ADARB2: variants seen among roughly 807,000 people sequenced by gnomAD.
ADARB2 encodes adenosine deaminase RNA specific B2 (inactive).
ADARB2 carries 25 observed loss-of-function variants against 62.2 expected under a neutral mutation model. That is an observed-to-expected ratio of 0.40 (90% CI 0.29 to 0.56). The LOEUF (loss-of-function observed/expected upper bound fraction) is 0.56. Ranked by LOEUF, ADARB2 falls within the 20% of genes least tolerant of loss-of-function variation. ADARB2 has a pLI of 0.43. For missense variants in ADARB2, 1,071 were observed against 1,077.4 expected (o/e 0.99, Z 0.08); for synonymous variants, 572 against 500.8 (o/e 1.14, Z -1.90).
intron 1 of ADARB2, among the ~76,000 whole-genome samples, chr10:1,392,306 T>C (rs1363726379): frequency 6.6e-6 from 1 of 152,188 alleles, no homozygotes; most frequent in Non-Finnish European, 1.5e-5. Context: ...AGAACTCTCT[T>C]GGTGCCCTCA....
At chr10:1,371,881 C>T (rs1217040924) in intron 2 of ADARB2, among the ~76,000 whole-genome samples, 1 of 127,112 alleles carries the variant, frequency 7.9e-6, no homozygotes, top group Non-Finnish European at 1.8e-5. Context: ...ACTAATTCCA[C>T]TTCTATGGAA....
chr10:1,629,873 A>C (rs537685699), intron 1 of ADARB2, among the ~76,000 whole-genome samples: 1 of 152,252 alleles, frequency 6.6e-6, no homozygotes, highest in Non-Finnish European at 1.5e-5. Flanking sequence ...ACCTGGACAC[A>C]AAGACAGGGA....
rs148207816 is a variant in ADARB2 at position 1,629,378 on chromosome 10, G to A, written c.100+107673C>T. Among the ~76,000 whole-genome samples, 236 of 152,164 alleles carry A rather than the reference G, an allele frequency of 1.6e-3. 1 individual carries two copies. Among genetic ancestry groups the A allele is most frequent in the African/African-American group, 5.1e-3 (211 of 41,520 alleles). ...TGGTGGAGACCTCCTCATCGTGATG[G>A]TCAGGACTTCACAGTGACATTCTAA... On this transcript the variant is annotated intron_variant, in intron 1 of 9. Coordinates refer to ENST00000381312, the MANE Select transcript of ADARB2 (RefSeq NM_018702.4).
At chr10:1,417,212 C>T (rs566898508) in intron 1 of ADARB2, among the ~76,000 whole-genome samples, 2 of 151,612 alleles carry the variant, frequency 1.3e-5, no homozygotes, top group African/African-American at 4.8e-5. Context: ...GAAGTGTAGA[C>T]CAAGACAGTC....
At chr10:1,305,662 T>G (rs1329549421) in intron 3 of ADARB2, among the ~76,000 whole-genome samples, 2 of 151,600 alleles carry the variant, frequency 1.3e-5, no homozygotes, top group Non-Finnish European at 3.0e-5. Flanking sequence ...AATAAAATAC[T>G]GGCAAACCGA....
intron 3 of ADARB2, among the ~76,000 whole-genome samples, chr10:1,332,964 G>A (rs1271904749): frequency 1.3e-5 from 2 of 152,186 alleles, no homozygotes; most frequent in East Asian, 3.9e-4. Flanking sequence ...TTGTGTTGAT[G>A]GTGGCAGAGC....
At chr10:1,205,449 C>A (rs1837042335) in intron 7 of ADARB2, among the ~76,000 whole-genome samples, 1 of 150,944 alleles carries the variant, frequency 6.6e-6, no homozygotes, top group Non-Finnish European at 1.5e-5. Context: ...AGGGAGACAA[C>A]TCACGGGAGC....
At chr10:1,278,026 G>T (rs1390857177) in intron 3 of ADARB2, among the ~76,000 whole-genome samples, 1 of 151,876 alleles carries the variant, frequency 6.6e-6, no homozygotes, top group African/African-American at 2.4e-5. Flanking sequence ...CTGGACCTCA[G>T]TGGCATGATC....
At chr10:1,219,028 C>G (rs192142503) in intron 6 of ADARB2, among the ~76,000 whole-genome samples, 1 of 137,122 alleles carries the variant, frequency 7.3e-6, no homozygotes. Flanking sequence ...CCAGCCTGGG[C>G]GACAGAGCAA....
chr10:1,506,733 T>A (rs1467574614), intron 1 of ADARB2, among the ~76,000 whole-genome samples: 5 of 152,218 alleles, frequency 3.3e-5, no homozygotes, highest in Non-Finnish European at 7.3e-5. Flanking sequence ...CGCTGTGGAC[T>A]GGCTGTGGGG....
chr10:1,581,310 G>A (rs1346915447), intron 1 of ADARB2, among the ~76,000 whole-genome samples: 1 of 152,246 alleles, frequency 6.6e-6, no homozygotes, highest in African/African-American at 2.4e-5. Context: ...CTACCTGGAA[G>A]CATACACCCA....
At chr10:1,355,935 C>T (rs1452798272) in intron 3 of ADARB2, among the ~76,000 whole-genome samples, 1 of 152,016 alleles carries the variant, frequency 6.6e-6, no homozygotes, top group Non-Finnish European at 1.5e-5. Context: ...ATTGTATATA[C>T]ATTGTATACA....
chr10:1,673,092 T>A (rs1019657836), intron 1 of ADARB2, among the ~76,000 whole-genome samples: 3 of 152,192 alleles, frequency 2.0e-5, no homozygotes, highest in African/African-American at 4.8e-5. Context: ...ACCTCATTCC[T>A]TTTGGTGTAG....
At position 1,497,051 on chromosome 10, in the gene ADARB2, C is replaced by G. The variant is rs2676188; in HGVS notation, c.101-117891G>C. Among the ~76,000 whole-genome samples the G allele has an allele frequency of 7.2e-5, 11 of 152,262 alleles. No individual in the cohort carries two copies. In the South Asian group the frequency reaches 2.3e-3, roughly 32 times the overall value. ...CCTCTAGCTGGACCTGTGACAGTGA[C>G]AGTGACCCTGTCACTGGCTTTTGAA... On this transcript the variant is annotated intron_variant, in intron 1 of 9. Transcript: ENST00000381312.
At chr10:1,232,581 G>A (rs557476517) in intron 6 of ADARB2, among the ~76,000 whole-genome samples, 3 of 141,192 alleles carry the variant, frequency 2.1e-5, no homozygotes, top group East Asian at 4.6e-4. Context: ...GTGGTGTGTG[G>A]TATGCATGTG....
intron 1 of ADARB2, among the ~76,000 whole-genome samples, chr10:1,402,845 G>A (rs1415757456): frequency 2.0e-5 from 3 of 152,248 alleles, no homozygotes; most frequent in African/African-American, 7.2e-5. Context: ...AAACAGAAAT[G>A]TTCGAAAATC....
In ADARB2 at chr10:1,385,933, C is replaced by T. The variant is rs113949672; in HGVS notation, c.101-6773G>A. ...TACAGAGCAACTGCAATGAGAATGACAGAATACAAATCAAAAATTTGCTAA... is the reference window on the plus strand; with the variant it reads ...TACAGAGCAACTGCAATGAGAATGATAGAATACAAATCAAAAATTTGCTAA... On this transcript the variant is annotated intron_variant, in intron 1 of 9. Transcript: ENST00000381312. 2.3e-3 allele frequency among the ~76,000 whole-genome samples: 349 copies of T among 152,122 alleles called. 4 individuals are homozygous for T. Among genetic ancestry groups the T allele is most frequent in the African/African-American group, 7.7e-3 (318 of 41,540 alleles).
chr10:1,681,870 G>C (rs1834540979), intron 1 of ADARB2, among the ~76,000 whole-genome samples: 1 of 152,190 alleles, frequency 6.6e-6, no homozygotes, highest in South Asian at 2.1e-4. Context: ...TGAAAGTGCA[G>C]CACACTCCGC....
chr10:1,552,987 C>T (rs920048631), intron 1 of ADARB2, among the ~76,000 whole-genome samples: 3 of 152,336 alleles, frequency 2.0e-5, no homozygotes, highest in Middle Eastern at 3.4e-3. Context: ...TATGTCACCC[C>T]CATGGTCTGT....
Sources: gnomAD v4.1 joint callset for allele counts (sites outside exome capture counted in the v4.1 genomes callset) on GRCh38, gnomAD v4.1.1 for gene constraint, MANE v1.5 for transcripts, NCBI Gene and HGNC (gene_info 2026-07-23, HGNC 2026-07-21) for gene names.